CSMD1: variants seen among roughly 807,000 people sequenced by gnomAD.
The protein encoded by CSMD1 is CUB and sushi domain-containing protein 1.
A neutral mutation model predicts 417.5 loss-of-function variants in CSMD1; 213 were observed. The ratio of observed to expected loss-of-function variants is 0.51; its 90% CI spans 0.46 to 0.57. The LOEUF is 0.57. Ranked by LOEUF, CSMD1 falls within the 20% of genes least tolerant of loss-of-function variation. CSMD1 has a pLI of 0.00. For missense variants in CSMD1, 6,923 were observed against 4,529.7 expected (o/e 1.53, Z -15.17); for synonymous variants, 2,862 against 1,736.8 (o/e 1.65, Z -16.11).
chr8:3,641,382 G>C (rs112537162), intron 7 of CSMD1, among the ~76,000 whole-genome samples: 171 of 152,202 alleles, frequency 1.1e-3, no homozygotes, highest in African/African-American at 3.7e-3. Context: ...GCTAACGTCA[G>C]ACTGAGCAGA....
intron 3 of CSMD1, among the ~76,000 whole-genome samples, chr8:4,391,516 C>A (rs1216136721): frequency 6.6e-6 from 1 of 152,068 alleles, no homozygotes; most frequent in Non-Finnish European, 1.5e-5. Flanking sequence ...GTGCAGGAGA[C>A]CAAGCCACAA....
At chr8:4,914,202 C>A (rs1010439297) in intron 1 of CSMD1, among the ~76,000 whole-genome samples, 1 of 152,148 alleles carries the variant, frequency 6.6e-6, no homozygotes, top group African/African-American at 2.4e-5. Flanking sequence ...TATAGTATTA[C>A]AGGTGCAATC....
chr8:3,847,769 T>C (rs1202989025), intron 5 of CSMD1, among the ~76,000 whole-genome samples: 5 of 152,180 alleles, frequency 3.3e-5, no homozygotes, highest in South Asian at 2.1e-4. Flanking sequence ...TGTTCCTTTT[T>C]ATCATAAGTG....
At chr8:3,164,995 GA>G (rs1311260582) in intron 37 of CSMD1, among the ~76,000 whole-genome samples, 1 of 151,376 alleles carries the variant, frequency 6.6e-6, no homozygotes, top group Non-Finnish European at 1.5e-5. Context: ...GGCCTTTAAG[GA>G]ATTATAATTA....
intron 1 of CSMD1, among the ~76,000 whole-genome samples, chr8:4,830,024 C>T (rs1800060074): frequency 6.6e-6 from 1 of 152,194 alleles, no homozygotes; most frequent in Non-Finnish European, 1.5e-5. Flanking sequence ...GCCTGTCCTT[C>T]TCTAAGGCAC....
chr8:3,034,660 T>G (rs779574179), intron 50 of CSMD1, among the ~76,000 whole-genome samples: 4 of 152,178 alleles, frequency 2.6e-5, no homozygotes, highest in Non-Finnish European at 5.9e-5. Flanking sequence ...CAAGGGATTA[T>G]TTAGGAAGAC....
At chr8:2,990,502 C>T (rs539977247) in intron 54 of CSMD1, among the ~76,000 whole-genome samples, 9 of 152,248 alleles carry the variant, frequency 5.9e-5, no homozygotes, top group African/African-American at 1.7e-4. Context: ...CCTCTCTCTA[C>T]GAACCCATTA....
chr8:4,387,499 G>T (rs11136739), intron 3 of CSMD1, among the ~76,000 whole-genome samples: 72,700 of 140,772 alleles, frequency 0.52, 18,479 homozygotes, highest in Middle Eastern at 0.57. Flanking sequence ...TTGCATAATT[G>T]TTCATAAATA....
chr8:4,242,435 C>G (rs1330905059), intron 3 of CSMD1, among the ~76,000 whole-genome samples: 1 of 152,172 alleles, frequency 6.6e-6, no homozygotes, highest in Admixed American at 6.5e-5. Flanking sequence ...TATCATAATA[C>G]TTCAAGCTAT....
chr8:3,271,132 C>T lies in CSMD1; in HGVS notation c.4153+13012G>A, dbSNP rs577008308. ...TGTGATGTTCCCCTTCCTGTGTTCA[C>T]GTGTTCTCATTGTTCAGTTCCCACC... On this transcript the variant is annotated intron_variant, in intron 26 of 69. Transcript: ENST00000635120. 8.7e-4 allele frequency among the ~76,000 whole-genome samples: 124 copies of T among 142,826 alleles called. 3 individuals carry two copies. Among genetic ancestry groups the T allele is most frequent in the East Asian group, 8.6e-3 (40 of 4,656 alleles). The allele number at this position is 142,826 out of a possible 152,430, so 93.7% of individuals were successfully genotyped here. A position where few individuals can be genotyped will look rare whatever the true frequency, so the allele number is the denominator to read the frequency against.
At chr8:3,803,405 T>C (rs1038459959) in intron 5 of CSMD1, among the ~76,000 whole-genome samples, 6 of 152,034 alleles carry the variant, frequency 3.9e-5, no homozygotes, top group African/African-American at 1.4e-4. Flanking sequence ...AGGAAACAGG[T>C]AGTGTAGGTA....
intron 1 of CSMD1, among the ~76,000 whole-genome samples, chr8:4,873,175 T>C (rs557572307): frequency 6.6e-6 from 1 of 152,236 alleles, no homozygotes; most frequent in South Asian, 2.1e-4. Context: ...TTCAAAATGA[T>C]AGGAGGTGGC....
chr8:4,127,130 T>C (rs982082284), intron 3 of CSMD1, among the ~76,000 whole-genome samples: 2 of 152,112 alleles, frequency 1.3e-5, no homozygotes, highest in Admixed American at 6.6e-5. Flanking sequence ...GAAATGCTTC[T>C]CTGATCCATC....
At chr8:4,158,164 T>C (rs969101532) in intron 3 of CSMD1, among the ~76,000 whole-genome samples, 4 of 151,616 alleles carry the variant, frequency 2.6e-5, no homozygotes, top group African/African-American at 9.7e-5. Context: ...ACGGCCTTCA[T>C]CATTTTTAGT....
intron 66 of CSMD1, among the ~76,000 whole-genome samples, chr8:2,950,599 GAATA>G (rs1294282197): frequency 6.6e-6 from 1 of 151,852 alleles, no homozygotes; most frequent in African/African-American, 2.4e-5. Context: ...TCCACAGAAA[GAATA>G]AAAAATAACA....
chr8:4,983,017 A>G (rs973072570), intron 1 of CSMD1, among the ~76,000 whole-genome samples: 1 of 152,252 alleles, frequency 6.6e-6, no homozygotes, highest in African/African-American at 2.4e-5. Flanking sequence ...AGGCTGGCAT[A>G]TCTGCTGAAC....
At chr8:4,067,280 G>C (rs140371312) in intron 3 of CSMD1, among the ~76,000 whole-genome samples, 8 of 152,290 alleles carry the variant, frequency 5.3e-5, no homozygotes, top group African/African-American at 1.4e-4. Context: ...AGCCGAGATA[G>C]AATTTTTTCA....
chr8:3,298,639 A>C (rs1033357596), intron 25 of CSMD1, among the ~76,000 whole-genome samples: 9 of 152,180 alleles, frequency 5.9e-5, no homozygotes, highest in Admixed American at 3.9e-4. Context: ...TTTTTAATAG[A>C]GACGGAGTTT....
intron 5 of CSMD1, among the ~76,000 whole-genome samples, chr8:3,801,749 C>A (rs778017915): frequency 2.6e-5 from 4 of 152,026 alleles, no homozygotes; most frequent in Non-Finnish European, 5.9e-5. Flanking sequence ...TGACTCTGGA[C>A]AAACTAATAT....
Sources: allele counts gnomAD v4.1 joint callset (sites outside exome capture counted in the v4.1 genomes callset), GRCh38; gene constraint gnomAD v4.1.1; transcripts MANE v1.5; gene names NCBI Gene and HGNC (gene_info 2026-07-23, HGNC 2026-07-21).